The following NDRG2 variants were observed in gnomAD, a reference collection of about 807,000 sequenced individuals.
NDRG2 encodes NDRG family member 2, also known as protein NDRG2.
Under a neutral mutation model 58.2 loss-of-function variants are expected in NDRG2, and 34 were observed. That is an observed-to-expected ratio of 0.58 (90% CI 0.44 to 0.78). The LOEUF (loss-of-function observed/expected upper bound fraction) is 0.78, where lower values mean the gene tolerates loss of function less well. NDRG2 is among the 30% of genes least tolerant of loss of function. The probability of loss-of-function intolerance (pLI) is 0.00; values close to 1 mark genes in which losing one functional copy is unlikely to be tolerated. For missense variants in NDRG2, 434 were observed against 471.2 expected, an observed-to-expected ratio of 0.92 and a Z score of 0.73; for synonymous variants, 187 against 175.9, an observed-to-expected ratio of 1.06 and a Z score of -0.50.
chr14:21,051,301 T>A (rs1031616621), intron 1 of NDRG2, among the ~76,000 whole-genome samples: 8 of 152,160 alleles, frequency 5.3e-5, no homozygotes, highest in African/African-American at 1.9e-4. Context: ...AAAATAGACA[T>A]AGAGCACTTG....
rs1166628893 is a variant in NDRG2, at chr14:21,035,864, G to A, written c.25-12543C>T. The A allele has an allele frequency of 2.4e-5, 11 of 455,884 alleles. 1 individual carries two copies. The East Asian group carries it at 2.8e-4, about 12-fold the overall frequency. 28.2% of individuals were successfully genotyped at this position (455,884 alleles called of 1,614,324 possible). ...CCTCCACCTCCCCAATCCCAGCTAC[G>A]GGGAGGCGGTCCTGCATGGTGGTTA... is the stretch of plus-strand genomic sequence containing the variant. On this transcript the variant is annotated intron_variant, in intron 1 of 14. Coordinates refer to the NDRG2 transcript ENST00000403829.
rs369708277 is a variant in NDRG2 at position 21,032,070 on chromosome 14, C to T, written c.25-8749G>A. ...GGTTCTGGCACCTACGATAAGAAGA[C>T]CAAGTAGAGAGGAGCTTCATCTCAG... On this transcript the variant is annotated intron_variant, in intron 1 of 14. Transcript: ENST00000403829. 1.3e-4 allele frequency: 205 copies of T among 1,612,916 alleles called. 7 individuals are homozygous for T. In the South Asian group the frequency reaches 2.2e-3, roughly 17 times the overall value.
At position 21,031,165 on chromosome 14, in the gene NDRG2, TGTGA is replaced by T. The variant is rs758754783; in HGVS notation, c.25-7848_25-7845del. The stretch of plus-strand genomic sequence containing the variant: ...AAGACCCAGCCACCACTGGCGCTAC[TGTGA>T]GTGACAGCCTTCATCCCCTTGACCC... On this transcript the variant is annotated intron_variant, in intron 1 of 14. Transcript: ENST00000403829. 13 of 1,613,376 alleles carry T rather than the reference TGTGA, an allele frequency of 8.1e-6. No homozygotes were observed. In the South Asian group the frequency reaches 8.8e-5, roughly 11 times the overall value.
At chr14:21,061,713 T>C (rs1486738148) in intron 1 of NDRG2, among the ~76,000 whole-genome samples, 2 of 152,232 alleles carry the variant, frequency 1.3e-5, no homozygotes, top group Non-Finnish European at 2.9e-5. Context: ...ATAGAAATGT[T>C]TAAAAGAATC....
At chr14:21,051,710 G>T (rs1885478348) in intron 1 of NDRG2, among the ~76,000 whole-genome samples, 1 of 152,214 alleles carries the variant, frequency 6.6e-6, no homozygotes, top group Non-Finnish European at 1.5e-5. Context: ...AAGGAATGTG[G>T]CCACTGGATT....
Position 21,017,726 on chromosome 14 carries a change from C to T in NDRG2, c.986G>A (p.Arg329His), listed in dbSNP as rs764700871. The T allele has an allele frequency of 1.2e-5, 19 of 1,603,186 alleles. No individual in the cohort carries two copies. The highest frequency in any genetic ancestry group is 1.5e-5 in the Non-Finnish European group (18 of 1,174,588). ...SSCMTRLSRS[R>H]TASLTSAASV... ...TGCTGCACTGGTCAGAGAGGCTGTA[C>T]GAGACCGGGACAGGCGAGTCATGCA... Residue 329 changes from arginine (R) to histidine (H), a missense_variant, in exon 16 of 16, where the codon CGT (arginine) becomes CAT (histidine). Physicochemically the swap from Arg to His is conservative, Grantham distance 29. Transcript: ENST00000556147.
chr14:21,049,648 A>C (rs991887368), intron 1 of NDRG2, among the ~76,000 whole-genome samples: 2 of 152,156 alleles, frequency 1.3e-5, no homozygotes, highest in African/African-American at 4.8e-5. Context: ...CTGAGGACTT[A>C]AACACTTTGC....
intron 1 of NDRG2, 178 bp from the exon 2 acceptor site, chr14:21,023,499 C>G (rs754027318): frequency 1.7e-6 from 1 of 601,362 alleles, no homozygotes; most frequent in South Asian, 2.0e-5. Flanking sequence ...CCAGGCTGAT[C>G]GGTGGAAGCT....
chr14:21,040,934 A>G (rs1884861832), intron 1 of NDRG2, among the ~76,000 whole-genome samples: 2 of 152,010 alleles, frequency 1.3e-5, no homozygotes, highest in African/African-American at 2.4e-5. Context: ...TCTCCAATGG[A>G]ATGTAAGCTC....
intron 1 of NDRG2, chr14:21,033,708 G>A (rs760799210): frequency 2.1e-4 from 166 of 807,690 alleles, no homozygotes; most frequent in Non-Finnish European, 3.3e-4. Flanking sequence ...TCTTGGGAGG[G>A]GACCCTGCCT....
At position 21,018,499 on chromosome 14, in the gene NDRG2, T is replaced by G. The variant is rs1187239636; in HGVS notation, c.819A>C (p.Glu273Asp). The change falls in exon 13 of 16, where the codon GAA (glutamate) becomes GAC (aspartate). Residue 273 changes from glutamate to aspartate, a missense_variant. Physicochemically the swap from Glu to Asp is conservative, Grantham distance 45 (BLOSUM62 2). Transcript: ENST00000556147. ...GGGTGGGGTCCAGTTTTGAGTTACA[T>G]TCCACCTGGAGTAAGCAGGAGGCTG... ...DQAPHEDAVV[E>D]CNSKLDPTQT... 1.2e-6 allele frequency: 2 copies of G among 1,613,990 alleles called. No homozygotes were observed. Among genetic ancestry groups the G allele is most frequent in the Non-Finnish European group, 1.7e-6 (2 of 1,179,960 alleles).
At chr14:21,033,819 T>C (rs766773258) in intron 1 of NDRG2, 1 of 1,601,006 alleles carries the variant, frequency 6.2e-7, no homozygotes, top group Admixed American at 1.7e-5. Flanking sequence ...GCTCAGGAAT[T>C]AAATTCCCGA....
intron 1 of NDRG2, chr14:21,058,320 A>G (rs1885778116): frequency 6.2e-6 from 10 of 1,613,274 alleles, no homozygotes; most frequent in Non-Finnish European, 8.5e-6. Flanking sequence ...GACCCAGGGT[A>G]CCCACTTGTT....
Position 21,070,324 on chromosome 14 carries a change from G to T in NDRG2, c.24+504C>A. On this transcript the variant is annotated intron_variant, in intron 1 of 14. Coordinates refer to the NDRG2 transcript ENST00000403829. This position sits in a 1 kb window ranked among gnomAD's most constrained non-coding sequence, Gnocchi z 4.7. ...TAGCCAGACCCGGCGAGACACGAGCGGCGGGAGGGAGGCGGTGGCGCGCCC... is the reference window on the plus strand; with the variant it reads ...TAGCCAGACCCGGCGAGACACGAGCTGCGGGAGGGAGGCGGTGGCGCGCCC... The T allele has an allele frequency of 7.2e-7, 1 of 1,388,328 alleles. No homozygotes were observed. Among genetic ancestry groups the T allele is most frequent in the South Asian group, 1.5e-5 (1 of 65,214 alleles). 86.0% of individuals were successfully genotyped at this position (1,388,328 alleles called of 1,614,324 possible).
intron 10 of NDRG2, 137 bp downstream of exon 10, chr14:21,019,502 C>T: frequency 1.5e-6 from 1 of 645,496 alleles, no homozygotes. Context: ...GAAGCTGCCC[C>T]CATTGCACAC....
At chr14:21,056,788 A>C (rs1209402682) in intron 1 of NDRG2, among the ~76,000 whole-genome samples, 1 of 152,220 alleles carries the variant, frequency 6.6e-6, no homozygotes, top group Non-Finnish European at 1.5e-5. Context: ...GCGGCCTTGG[A>C]AAGAGTACTT....
chr14:21,030,412 A>G (rs1055295639), upstream of NDRG2: 20 of 666,432 alleles, frequency 3.0e-5, no homozygotes, highest in East Asian at 1.1e-4. Flanking sequence ...CGTAGGTGCA[A>G]TGGGAGCTGG....
intron 1 of NDRG2, among the ~76,000 whole-genome samples, chr14:21,053,701 G>C (rs1566504035): frequency 6.6e-6 from 1 of 152,126 alleles, no homozygotes; most frequent in Non-Finnish European, 1.5e-5. Flanking sequence ...CTACTCAGGA[G>C]GCTGACGTAG....
intron 1 of NDRG2, among the ~76,000 whole-genome samples, chr14:21,037,509 G>A (rs1175683038): frequency 6.6e-6 from 1 of 152,194 alleles, no homozygotes; most frequent in Non-Finnish European, 1.5e-5. Context: ...GACATTTTTG[G>A]TTGTCACAAC....
Sources: allele counts gnomAD v4.1 joint callset (sites outside exome capture counted in the v4.1 genomes callset), GRCh38; gene constraint gnomAD v4.1.1; non-coding constraint Gnocchi (gnomAD v3.1); transcripts MANE v1.5; gene names NCBI Gene and HGNC (gene_info 2026-07-23, HGNC 2026-07-21).